Variants in SEMA3D observed in about 807,000 individuals in gnomAD.
SEMA3D encodes the protein semaphorin-3D.
SEMA3D carries 84 observed loss-of-function variants against 100.1 expected under a neutral mutation model. The ratio of observed to expected loss-of-function variants is 0.84; its 90% CI spans 0.70 to 1.01. The LOEUF is 1.01. Among genes scored for constraint, SEMA3D ranks in the 50% least tolerant of loss-of-function variants. The pLI is 0.00. For missense variants in SEMA3D, 875 were observed against 934.1 expected, an observed-to-expected ratio of 0.94 and a Z score of 0.82; for synonymous variants, 312 against 320.7, an observed-to-expected ratio of 0.97 and a Z score of 0.29.
chr7:85,176,626 G>T (rs1008073004), intron 1 of SEMA3D, among the ~76,000 whole-genome samples: 1 of 151,916 alleles, frequency 6.6e-6, no homozygotes, highest in South Asian at 2.1e-4. Context: ...AAATTATATA[G>T]AAAAGTGAAA....
chr7:85,032,147 C>T (rs1406379035), intron 12 of SEMA3D, among the ~76,000 whole-genome samples: 19 of 151,812 alleles, frequency 1.3e-4, no homozygotes, highest in Admixed American at 9.9e-4. Context: ...GGGTGAATTA[C>T]GTGGTCTTTA....
At chr7:85,047,564 T>C (rs1791044532) in intron 9 of SEMA3D, among the ~76,000 whole-genome samples, 1 of 151,862 alleles carries the variant, frequency 6.6e-6, no homozygotes, top group Non-Finnish European at 1.5e-5. Flanking sequence ...ATATATTAGA[T>C]AACAGTGGCT....
intron 2 of SEMA3D, among the ~76,000 whole-genome samples, chr7:85,149,721 GGACTTCTCAAT>G (rs1394362679): frequency 2.6e-5 from 4 of 152,162 alleles, no homozygotes; most frequent in South Asian, 4.1e-4. Flanking sequence ...AGAGGCTATT[GGACTTCTCAAT>G]TAAGATTCAG....
chr7:85,211,341 C>A, the SEMA3D span, among the ~76,000 whole-genome samples: 1 of 152,010 alleles, frequency 6.6e-6, no homozygotes, highest in Non-Finnish European at 1.5e-5. Context: ...TCCCAGTTTT[C>A]CCTCTCTCTT....
intron 1 of SEMA3D, among the ~76,000 whole-genome samples, chr7:85,175,591 C>T (rs935157724): frequency 6.6e-6 from 1 of 152,302 alleles, no homozygotes; most frequent in East Asian, 1.9e-4. Flanking sequence ...TGCTTTTGAA[C>T]AGCTACTTTA....
intron 3 of SEMA3D, among the ~76,000 whole-genome samples, chr7:85,117,931 A>G (rs1789293424): frequency 6.6e-6 from 1 of 151,552 alleles, no homozygotes; most frequent in Admixed American, 6.6e-5. Flanking sequence ...TTTTAAAACA[A>G]TAGAGCTTGT....
upstream of SEMA3D, among the ~76,000 whole-genome samples, chr7:85,191,307 G>C (rs193168953): frequency 1.3e-5 from 2 of 152,168 alleles, no homozygotes; most frequent in Admixed American, 1.3e-4. Flanking sequence ...TTTTGTGTTT[G>C]ATTTGTAACA....
At chr7:85,029,679 C>T in intron 12 of SEMA3D, 2 of 376,486 alleles carry the variant, frequency 5.3e-6, no homozygotes, top group Non-Finnish European at 1.0e-5. Flanking sequence ...GGGCCCACCA[C>T]TGAAGAGGTT....
the SEMA3D span, among the ~76,000 whole-genome samples, chr7:85,198,779 T>C: frequency 0.65 from 96,226 of 147,704 alleles, 31,921 homozygotes; most frequent in East Asian, 0.92. Flanking sequence ...ACTGTTTTTC[T>C]TTTTTAAAAT....
intron 4 of SEMA3D, among the ~76,000 whole-genome samples, chr7:85,092,624 AT>A (rs1324900052): frequency 2.0e-5 from 3 of 152,044 alleles, no homozygotes; most frequent in Admixed American, 6.6e-5. Context: ...TTTTTAAAAA[AT>A]ATGTTTTCTG....
Position 85,109,156 on chromosome 7 carries a change from CT to C in SEMA3D, c.152-11192del, listed in dbSNP as rs1234877316. Among the ~76,000 whole-genome samples the C allele has an allele frequency of 2.6e-5, 4 of 151,910 alleles. No homozygotes were observed. In the South Asian group the frequency reaches 6.2e-4, roughly 24 times the overall value. ...ACCTCCATTTTGTGGTTTGTAACAT[CT>C]GAGGAACTTTCCCATTTATTATTTA... On this transcript the variant is annotated intron_variant, in intron 3 of 18. Coordinates refer to ENST00000284136, the MANE Select transcript of SEMA3D (RefSeq NM_001384900.1).
rs576004737 is a variant in SEMA3D, at chr7:85,020,140, G to A, written c.1503+93C>T. The A allele has an allele frequency of 4.1e-5, 32 of 778,552 alleles. No homozygotes were observed. In the East Asian group the frequency reaches 8.2e-4, roughly 20 times the overall value. 48.2% of individuals were successfully genotyped at this position (778,552 alleles called of 1,614,324 possible). ...AAGCTAATTTCAAAGGCTTCTTCAG[G>A]TAACCTGATGATGTATTAAAACAAG... On this transcript the variant is annotated intron_variant, in intron 14 of 18. Transcript: ENST00000284136.
chr7:85,140,705 T>C (rs906251126), intron 2 of SEMA3D: 19 of 978,280 alleles, frequency 1.9e-5, no homozygotes, highest in Non-Finnish European at 2.3e-5. Context: ...TATTAAGAGA[T>C]AAATCTATTT....
At chr7:85,040,555 G>GA (rs911048325) in intron 11 of SEMA3D, 118 bp downstream of exon 11, 408 of 609,964 alleles carry the variant, frequency 6.7e-4, no homozygotes, top group East Asian at 9.4e-4. Context: ...AAGGTAAAAT[G>GA]AAAAAAAAAG....
intron 17 of SEMA3D, among the ~76,000 whole-genome samples, chr7:85,011,380 G>A (rs915692309): frequency 6.6e-6 from 1 of 151,814 alleles, no homozygotes; most frequent in Non-Finnish European, 1.5e-5. Context: ...AAAAGACTGT[G>A]TGCAGTGGGT....
chr7:85,140,570 G>A, intron 2 of SEMA3D: 1 of 968,118 alleles, frequency 1.0e-6, no homozygotes, highest in Non-Finnish European at 1.2e-6. Flanking sequence ...TTATAGCAGA[G>A]TTTTATCTAT....
At chr7:85,028,006 C>T in intron 12 of SEMA3D, 1 of 573,954 alleles carries the variant, frequency 1.7e-6, no homozygotes, top group Non-Finnish European at 3.3e-6. Flanking sequence ...AATCAAGTTC[C>T]AATGAACCGT....
intron 1 of SEMA3D, chr7:85,167,300 G>T: frequency 1.0e-6 from 1 of 984,862 alleles, no homozygotes; most frequent in Non-Finnish European, 1.2e-6. Context: ...AGAGTATCTG[G>T]AAATATGCAG....
At chr7:85,223,869 C>A in the SEMA3D span, among the ~76,000 whole-genome samples, 1 of 151,666 alleles carries the variant, frequency 6.6e-6, no homozygotes, top group African/African-American at 2.4e-5. Flanking sequence ...ATGAACTTAT[C>A]CGTGTAACCC....
Sources: gnomAD v4.1 joint callset for allele counts (sites outside exome capture counted in the v4.1 genomes callset) on GRCh38, gnomAD v4.1.1 for gene constraint, MANE v1.5 for transcripts, NCBI Gene and HGNC (gene_info 2026-07-23, HGNC 2026-07-21) for gene names.